GRID1: variants seen among roughly 807,000 people sequenced by gnomAD.
GRID1 encodes the protein glutamate ionotropic receptor delta type subunit 1.
GRID1 carries 28 observed loss-of-function variants against 98.0 expected under a neutral mutation model. The ratio of observed to expected loss-of-function variants is 0.29; its 90% CI spans 0.21 to 0.39. The LOEUF (loss-of-function observed/expected upper bound fraction) is 0.39. Ranked by LOEUF, GRID1 falls within the 10% of genes least tolerant of loss-of-function variation. The pLI is 1.00. For missense variants in GRID1, 1,111 were observed against 1,340.5 expected (o/e 0.83, Z 2.67); for synonymous variants, 553 against 538.5 (o/e 1.03, Z -0.37).
chr10:86,360,822 G>A (rs534284339), intron 2 of GRID1, among the ~76,000 whole-genome samples: 95 of 152,324 alleles, frequency 6.2e-4, no homozygotes, highest in Non-Finnish European at 1.1e-3. Context: ...GTCACACCAC[G>A]AGTGAAGACA....
At chr10:85,849,276 T>C (rs1013077560) in intron 8 of GRID1, among the ~76,000 whole-genome samples, 2 of 152,208 alleles carry the variant, frequency 1.3e-5, no homozygotes, top group East Asian at 3.9e-4. Context: ...TGGCAATCCC[T>C]GCACAAAGAG....
chr10:85,775,735 A>C (rs1842324679), intron 8 of GRID1, among the ~76,000 whole-genome samples: 3 of 152,190 alleles, frequency 2.0e-5, no homozygotes, highest in African/African-American at 7.2e-5. Context: ...GTAAAAGAAT[A>C]TTGTTGAAAA....
At chr10:85,662,222 C>T (rs575000494) in intron 12 of GRID1, among the ~76,000 whole-genome samples, 1 of 152,362 alleles carries the variant, frequency 6.6e-6, no homozygotes, top group Non-Finnish European at 1.5e-5. Flanking sequence ...CTGTGTTTTA[C>T]TCTCCTTTCT....
At chr10:86,348,912 G>T (rs947239306) in intron 2 of GRID1, among the ~76,000 whole-genome samples, 1 of 152,256 alleles carries the variant, frequency 6.6e-6, no homozygotes, top group Non-Finnish European at 1.5e-5. Context: ...TCCTAAGAAA[G>T]CTTGAGCATG....
intron 2 of GRID1, among the ~76,000 whole-genome samples, chr10:86,218,802 C>T (rs754339946): frequency 1.3e-5 from 2 of 152,226 alleles, no homozygotes; most frequent in African/African-American, 4.8e-5. Flanking sequence ...TCATTGACTG[C>T]TCCTTGGTCC....
intron 8 of GRID1, among the ~76,000 whole-genome samples, chr10:85,762,436 A>C (rs1265062664): frequency 6.6e-6 from 1 of 152,204 alleles, no homozygotes; most frequent in Non-Finnish European, 1.5e-5. Flanking sequence ...TGGTAAATCC[A>C]ACTGAATTAG....
intron 3 of GRID1, among the ~76,000 whole-genome samples, chr10:86,196,484 GT>G (rs973726681): frequency 2.0e-5 from 3 of 152,050 alleles, no homozygotes; most frequent in African/African-American, 7.2e-5. Context: ...CACTACTAAA[GT>G]GGGAAAACAA....
intron 3 of GRID1, among the ~76,000 whole-genome samples, chr10:86,203,026 A>G (rs1845975653): frequency 6.6e-6 from 1 of 152,228 alleles, no homozygotes; most frequent in Admixed American, 6.5e-5. Flanking sequence ...TACTAAAGTC[A>G]GGAAGAACCT....
chr10:85,724,004 A>G (rs1841732900), intron 11 of GRID1, among the ~76,000 whole-genome samples: 1 of 152,182 alleles, frequency 6.6e-6, no homozygotes, highest in Admixed American at 6.5e-5. Flanking sequence ...TTTTTTCCCC[A>G]TTAAGTCATC....
Position 86,192,139 on chromosome 10 carries a change from C to T in GRID1, c.520+14225G>A, listed in dbSNP as rs1369222728. ...AAACAGTGTGGCACAAAAATGCCCA[C>T]CACACACAAACACATACAATCCCAT... On this transcript the variant is annotated intron_variant, in intron 3 of 15. Transcript: ENST00000327946. The surrounding 1 kb of genome is among the most constrained non-coding windows in gnomAD (Gnocchi z 4.8). Among the ~76,000 whole-genome samples the T allele has an allele frequency of 6.6e-6, 1 of 152,068 alleles. No homozygotes were observed. Among genetic ancestry groups the T allele is most frequent in the East Asian group, 1.9e-4 (1 of 5,184 alleles).
At chr10:85,701,793 T>C (rs1206729205) in intron 12 of GRID1, among the ~76,000 whole-genome samples, 1 of 151,982 alleles carries the variant, frequency 6.6e-6, no homozygotes, top group African/African-American at 2.4e-5. Context: ...AGGAAAAACA[T>C]AAGAATGATA....
intron 2 of GRID1, among the ~76,000 whole-genome samples, chr10:86,363,260 G>A (rs544349347): frequency 6.6e-6 from 1 of 152,256 alleles, no homozygotes; most frequent in African/African-American, 2.4e-5. Flanking sequence ...CGTAGGCCAG[G>A]ATTTCCCCGC....
At chr10:85,937,205 G>C (rs1169541203) in intron 4 of GRID1, among the ~76,000 whole-genome samples, 1 of 152,230 alleles carries the variant, frequency 6.6e-6, no homozygotes, top group Non-Finnish European at 1.5e-5. Flanking sequence ...GCCTGGACAA[G>C]CATTAGTACT....
intron 4 of GRID1, among the ~76,000 whole-genome samples, chr10:86,102,672 G>A (rs958685218): frequency 2.6e-5 from 4 of 152,262 alleles, no homozygotes; most frequent in Non-Finnish European, 5.9e-5. Context: ...AGTGCCAAGA[G>A]GCCCAGGGGA....
intron 8 of GRID1, among the ~76,000 whole-genome samples, chr10:85,759,735 T>C (rs1281743660): frequency 1.3e-5 from 2 of 152,266 alleles, no homozygotes; most frequent in Non-Finnish European, 2.9e-5. Context: ...GGTTTTAATT[T>C]CCAAGGGAAA....
At chr10:86,126,219 G>A (rs1375631402) in intron 4 of GRID1, among the ~76,000 whole-genome samples, 2 of 152,358 alleles carry the variant, frequency 1.3e-5, no homozygotes, top group East Asian at 1.9e-4. Context: ...ACTTTGGGAG[G>A]CCAAGGCGGG....
At chr10:86,271,853 GA>G (rs1164846478) in intron 2 of GRID1, among the ~76,000 whole-genome samples, 2 of 152,078 alleles carry the variant, frequency 1.3e-5, no homozygotes, top group African/African-American at 2.4e-5. Context: ...GGAGGAAACA[GA>G]AAAAATATTT....
chr10:85,939,403 G>C (rs1841968908), intron 4 of GRID1, among the ~76,000 whole-genome samples: 1 of 152,226 alleles, frequency 6.6e-6, no homozygotes, highest in Admixed American at 6.5e-5. Flanking sequence ...AAGTTTGGTA[G>C]AGTAGATGTC....
intron 12 of GRID1, among the ~76,000 whole-genome samples, chr10:85,680,362 C>G (rs1338586553): frequency 6.6e-6 from 1 of 152,180 alleles, no homozygotes; most frequent in African/African-American, 2.4e-5. Context: ...CTTCCTTCTC[C>G]AGCCTATTCA....
Sources: allele counts gnomAD v4.1 joint callset (sites outside exome capture counted in the v4.1 genomes callset), GRCh38; gene constraint gnomAD v4.1.1; non-coding constraint Gnocchi (gnomAD v3.1); transcripts MANE v1.5; gene names NCBI Gene and HGNC (gene_info 2026-07-23, HGNC 2026-07-21).